Variants in DCUN1D4 observed in about 807,000 individuals in gnomAD.
DCUN1D4 encodes defective in cullin neddylation 1 domain containing 4.
DCUN1D4 carries 22 observed loss-of-function variants against 47.9 expected under a neutral mutation model. The ratio of observed to expected loss-of-function variants is 0.46; its 90% CI spans 0.33 to 0.66. The LOEUF (loss-of-function observed/expected upper bound fraction) is 0.66. DCUN1D4 is among the 30% of genes least tolerant of loss of function. The pLI is 0.02. For missense variants in DCUN1D4, 301 were observed against 340.8 expected (o/e 0.88, Z 0.92); for synonymous variants, 121 against 112.2 (o/e 1.08, Z -0.50).
chr4:51,904,266 T>G (rs769850625), intron 8 of DCUN1D4, among the ~76,000 whole-genome samples: 2 of 152,190 alleles, frequency 1.3e-5, no homozygotes, highest in African/African-American at 2.4e-5. Flanking sequence ...ATGCCTTGTG[T>G]GCTATGAGAT....
intron 1 of DCUN1D4, among the ~76,000 whole-genome samples, chr4:51,857,248 A>G (rs763568265): frequency 6.6e-6 from 1 of 152,082 alleles, no homozygotes; most frequent in Non-Finnish European, 1.5e-5. Context: ...TAAGCTAAAT[A>G]TCTATTTTCT....
At chr4:51,876,913 G>A (rs755947256) in intron 4 of DCUN1D4, among the ~76,000 whole-genome samples, 1 of 152,090 alleles carries the variant, frequency 6.6e-6, no homozygotes, top group African/African-American at 2.4e-5. Flanking sequence ...TTATATATAA[G>A]TAAGGGATAT....
chr4:51,897,182 C>CT (rs1376301194), intron 7 of DCUN1D4, among the ~76,000 whole-genome samples: 4 of 151,626 alleles, frequency 2.6e-5, no homozygotes, highest in African/African-American at 9.6e-5. Flanking sequence ...TAATTTTAAT[C>CT]TTTTTTATTT....
chr4:51,912,005 G>T (rs1381677073), intron 9 of DCUN1D4, among the ~76,000 whole-genome samples: 2 of 151,984 alleles, frequency 1.3e-5, no homozygotes, highest in Non-Finnish European at 2.9e-5. Flanking sequence ...TTTATGTAAT[G>T]GTCCAGAATA....
intron 8 of DCUN1D4, among the ~76,000 whole-genome samples, chr4:51,908,628 T>C (rs1216181395): frequency 6.6e-6 from 1 of 152,170 alleles, no homozygotes; most frequent in East Asian, 1.9e-4. Context: ...AGTTGATGGC[T>C]GCCTGATAGC....
intron 3 of DCUN1D4, among the ~76,000 whole-genome samples, chr4:51,865,930 T>C (rs909562236): frequency 6.6e-6 from 1 of 152,084 alleles, no homozygotes; most frequent in Non-Finnish European, 1.5e-5. Context: ...ACTATGACAG[T>C]GGAAGTGTTC....
At chr4:51,910,185 G>A (rs2110138023) in intron 8 of DCUN1D4, among the ~76,000 whole-genome samples, 1 of 152,232 alleles carries the variant, frequency 6.6e-6, no homozygotes, top group East Asian at 1.9e-4. Context: ...GGATATGTAA[G>A]GTATGCTTAT....
intron 8 of DCUN1D4, among the ~76,000 whole-genome samples, chr4:51,903,934 T>TG (rs1732486343): frequency 6.6e-6 from 1 of 152,206 alleles, no homozygotes; most frequent in Admixed American, 6.5e-5. Context: ...TTTATAACCT[T>TG]GTCTTCTGGT....
At chr4:51,895,082 A>T (rs1731029207) in intron 7 of DCUN1D4, among the ~76,000 whole-genome samples, 1 of 152,086 alleles carries the variant, frequency 6.6e-6, no homozygotes, top group Non-Finnish European at 1.5e-5. Context: ...CCAGGACCTA[A>T]TAATCTCACA....
At position 51,914,874 on chromosome 4, in the gene DCUN1D4, T is replaced by A. The variant is rs1038987487; in HGVS notation, c.*1290T>A. The A allele has an allele frequency of 5.3e-5, 8 of 151,162 alleles. No individual in the cohort carries two copies. The highest frequency in any genetic ancestry group is 1.9e-4 in the African/African-American group (8 of 41,112). The allele number at this position is 151,162 out of a possible 1,614,324, so 9.4% of individuals were successfully genotyped here. On this transcript the variant is annotated 3_prime_UTR_variant, in exon 11 of 11. Transcript: ENST00000334635. ...CTTGAGGAAATATAGAGATGACATG[T>A]TTTCACCCCAACTATCTGGTGCTAT...
At chr4:51,854,376 A>T (rs952188714) in intron 1 of DCUN1D4, among the ~76,000 whole-genome samples, 2 of 152,158 alleles carry the variant, frequency 1.3e-5, no homozygotes, top group Non-Finnish European at 2.9e-5. Flanking sequence ...TGTATTTTGT[A>T]CTTTTTAAAA....
chr4:51,849,836 TGTGTGTGTGC>T (rs1226478630), intron 1 of DCUN1D4, among the ~76,000 whole-genome samples: 2 of 118,718 alleles, frequency 1.7e-5, no homozygotes, highest in East Asian at 6.3e-4. Context: ...CAGAAATATG[TGTGTGTGTGC>T]GTGCGTGTGT....
intron 1 of DCUN1D4, among the ~76,000 whole-genome samples, chr4:51,862,224 C>T (rs1725185542): frequency 2.0e-5 from 3 of 152,252 alleles, no homozygotes; most frequent in East Asian, 3.8e-4. Flanking sequence ...CAGGTATGAC[C>T]TGCTGTTCCT....
intron 1 of DCUN1D4, among the ~76,000 whole-genome samples, chr4:51,851,373 T>C (rs1407231930): frequency 3.9e-5 from 6 of 152,120 alleles, no homozygotes; most frequent in Non-Finnish European, 1.5e-5. Context: ...GTTTTAGCTT[T>C]TGAAGTTGGA....
the DCUN1D4 span, among the ~76,000 whole-genome samples, chr4:51,835,111 T>A: frequency 3.8e-4 from 58 of 152,302 alleles, no homozygotes; most frequent in African/African-American, 1.3e-3. Context: ...GAATTTGGAA[T>A]CTGTGTTGGG....
At chr4:51,889,762 G>A (rs1337859848) in intron 6 of DCUN1D4, among the ~76,000 whole-genome samples, 1 of 152,156 alleles carries the variant, frequency 6.6e-6, no homozygotes, top group East Asian at 1.9e-4. Context: ...CCTGAGGGAT[G>A]AGGAGAAAAT....
At chr4:51,877,727 C>A (rs1293526191) in intron 4 of DCUN1D4, 36 bp from the exon 5 acceptor site, 1 of 1,368,722 alleles carries the variant, frequency 7.3e-7, no homozygotes, top group Non-Finnish European at 1.0e-6. Context: ...AACTCAGTAT[C>A]TTTAAATAAC....
chr4:51,835,724 CATG>C, the DCUN1D4 span, among the ~76,000 whole-genome samples: 31 of 151,872 alleles, frequency 2.0e-4, no homozygotes, highest in Admixed American at 1.8e-3. Context: ...GAGGGAATGC[CATG>C]ATGAGATGAG....
Position 51,916,103 on chromosome 4 carries a change from T to C in DCUN1D4, c.*2519T>C, listed in dbSNP as rs973305210. The stretch of plus-strand genomic sequence containing the variant: ...ATTTACTGGCTAATGTTGAATAAAT[T>C]AGGGTGCCTTCATCTGGGTTTTCTT... On this transcript the variant is annotated 3_prime_UTR_variant, in exon 11 of 11. Coordinates refer to ENST00000334635, the MANE Select transcript of DCUN1D4 (RefSeq NM_001040402.3). 1.2e-4 allele frequency: 19 copies of C among 152,092 alleles called. No homozygotes were observed. The highest frequency in any genetic ancestry group is 4.6e-4 in the African/African-American group (19 of 41,432). 9.4% of individuals were successfully genotyped at this position (152,092 alleles called of 1,614,324 possible).
Sources: allele counts gnomAD v4.1 joint callset (sites outside exome capture counted in the v4.1 genomes callset), GRCh38; gene constraint gnomAD v4.1.1; transcripts MANE v1.5; gene names NCBI Gene and HGNC (gene_info 2026-07-23, HGNC 2026-07-21).